NKG7: variants seen among roughly 807,000 people sequenced by gnomAD.
NKG7 encodes protein NKG7.
A neutral mutation model predicts 14.7 loss-of-function variants in NKG7; 8 were observed. The observed-to-expected ratio is 0.54, with a 90% CI of 0.32 to 0.98. NKG7 has a LOEUF of 0.98. Ranked by LOEUF, NKG7 falls within the 50% of genes least tolerant of loss-of-function variation. NKG7 has a pLI of 0.04. For synonymous variants in NKG7, 95 were observed against 90.7 expected (o/e 1.05, Z -0.27); for missense variants, 215 against 211.1 (o/e 1.02, Z -0.11).
At position 51,371,998 on chromosome 19, in the gene NKG7, G is replaced by A. The variant is rs2123648648; in HGVS notation, c.381C>T (p.Thr127=). 6.2e-7 allele frequency: 1 copy of A among 1,613,662 alleles called. No individual in the cohort carries two copies. The change falls in exon 3 of 4, where the codon ACC becomes ACT. Residue 127 remains threonine (T), a synonymous_variant. Coordinates refer to ENST00000221978, the MANE Select transcript of NKG7 (RefSeq NM_005601.4). The surrounding 1 kb of genome is among the most constrained non-coding windows in gnomAD (Gnocchi z 4.2). ...CCAGGTAGAAGGACCAGGAGAAGAA[G>A]GTCTGGATCTGGGGGTGTGGAGGCT... The part of the protein sequence containing the change: ...WDQPPHPQIQ[T]FFSWSFYLGW...
In NKG7 at chr19:51,372,036, C is replaced by T. The variant is rs757653774; in HGVS notation, c.343G>A (p.Glu115Lys). 16 of 1,613,418 alleles carry T rather than the reference C, an allele frequency of 9.9e-6. No homozygotes were observed. The highest frequency in any genetic ancestry group is 1.1e-5 in the South Asian group (1 of 90,964). The change falls in exon 3 of 4, where the codon GAG becomes AAG. Residue 115 changes from glutamate (E) to lysine (K), a missense_variant. Physicochemically the swap from Glu to Lys is moderately conservative, Grantham distance 56. Coordinates refer to ENST00000221978, the MANE Select transcript of NKG7 (RefSeq NM_005601.4). This position sits in a 1 kb window ranked among gnomAD's most constrained non-coding sequence, Gnocchi z 4.8. Reference protein sequence around the residue: ...MVVAMAVYTSERWDQPPHPQI... With the variant: ...MVVAMAVYTSKRWDQPPHPQI... ...GGGTGTGGAGGCTGGTCCCACCGCT[C>T]GCTGGTGTACACCGCCATGGCCACC...
chr19:51,371,717 T>C lies in NKG7; in HGVS notation c.*60A>G. On this transcript the variant is annotated 3_prime_UTR_variant, in exon 4 of 4. Transcript: ENST00000221978. This position sits in a 1 kb window ranked among gnomAD's most constrained non-coding sequence, Gnocchi z 4.2. ...ATGTGGGACCAGACTTTCCCGAGGCTCCAGATGAGGCCTTTGGAATACAAC... is the reference window on the plus strand; with the variant it reads ...ATGTGGGACCAGACTTTCCCGAGGCCCCAGATGAGGCCTTTGGAATACAAC... The C allele has an allele frequency of 6.5e-7, 1 of 1,539,004 alleles. No homozygotes were observed. Among genetic ancestry groups the C allele is most frequent in the African/African-American group, 1.4e-5 (1 of 73,122 alleles).
Position 51,371,804 on chromosome 19 carries a change from A to G in NKG7, c.471T>C (p.Gly157=). 1 of 1,613,146 alleles carries G rather than the reference A, an allele frequency of 6.2e-7. No individual in the cohort carries two copies. The highest frequency in any genetic ancestry group is 8.5e-7 in the Non-Finnish European group (1 of 1,179,446). Residue 157 remains glycine, a synonymous_variant, in exon 4 of 4, where the codon GGT becomes GGC. Coordinates refer to ENST00000221978, the MANE Select transcript of NKG7 (RefSeq NM_005601.4). The surrounding 1 kb of genome is among the most constrained non-coding windows in gnomAD (Gnocchi z 4.2). The part of the protein sequence containing the change: ...GALSLGAHCG[G]PRPGYETL ...ACAAGGTTTCATAGCCAGGACGGGG[A>G]CCGCCACAGTGAGCACCCAGGCTCA...
Position 51,372,266 on chromosome 19 carries a change from G to A in NKG7, c.199C>T (p.Leu67=), listed in dbSNP as rs767863523. The A allele has an allele frequency of 1.2e-6, 2 of 1,613,660 alleles. No individual in the cohort carries two copies. The highest frequency in any genetic ancestry group is 1.1e-5 in the South Asian group (1 of 91,014). Residue 67 remains leucine, a synonymous_variant, in exon 2 of 4, where the codon CTG becomes TTG. Coordinates refer to ENST00000221978, the MANE Select transcript of NKG7 (RefSeq NM_005601.4). This position sits in a 1 kb window ranked among gnomAD's most constrained non-coding sequence, Gnocchi z 4.8. ...VTQTFSIMAV[L]WALVSVSFLV... ...AAGCTCACGGACACCAGGGCCCACA[G>A]AACAGCCATAATGCTGAAGGTCTGC...
rs1371336830 is a variant in NKG7 at position 51,371,794 on chromosome 19, C to T, written c.481G>A (p.Gly161Ser). 1.2e-6 allele frequency: 2 copies of T among 1,613,072 alleles called. No homozygotes were observed. Among genetic ancestry groups the T allele is most frequent in the Admixed American group, 1.7e-5 (1 of 59,880 alleles). The change falls in exon 4 of 4, where the codon GGC becomes AGC. Residue 161 changes from glycine (G) to serine (S), a missense_variant. Coordinates refer to ENST00000221978, the MANE Select transcript of NKG7 (RefSeq NM_005601.4). This position sits in a 1 kb window ranked among gnomAD's most constrained non-coding sequence, Gnocchi z 4.2. ...LGAHCGGPRPGYETL is the reference protein window; with the variant it reads ...LGAHCGGPRPSYETL ...CCTTCTGCTCACAAGGTTTCATAGC[C>T]AGGACGGGGACCGCCACAGTGAGCA...
In NKG7 at chr19:51,372,215, G is replaced by A; in HGVS notation, c.250C>T (p.Leu84=). The change falls in exon 2 of 4, where the codon CTG becomes TTG. Residue 84 remains leucine (L), a synonymous_variant. Coordinates refer to ENST00000221978, the MANE Select transcript of NKG7 (RefSeq NM_005601.4). The surrounding 1 kb of genome is among the most constrained non-coding windows in gnomAD (Gnocchi z 4.8). ...AGCGGGCCGTGGCCTGGGGGGAACA[G>A]TGAGGGGAAGCAGGACAGGACCAGG... The part of the protein sequence containing the change: ...SFLVLSCFPS[L]FPPGHGPLVS... The A allele has an allele frequency of 6.2e-7, 1 of 1,613,686 alleles. No homozygotes were observed. Among genetic ancestry groups the A allele is most frequent in the Non-Finnish European group, 8.5e-7 (1 of 1,179,746 alleles).
Position 51,372,357 on chromosome 19 carries a change from G to T in NKG7, c.157+22C>A. 1 of 1,613,894 alleles carries T rather than the reference G, an allele frequency of 6.2e-7. No homozygotes were observed. Among genetic ancestry groups the T allele is most frequent in the Non-Finnish European group, 8.5e-7 (1 of 1,179,830 alleles). On this transcript the variant is annotated intron_variant, in intron 1 of 3. Transcript: ENST00000221978. This position sits in a 1 kb window ranked among gnomAD's most constrained non-coding sequence, Gnocchi z 4.8. ...ACCCATCCCCGCTGGCAACCCCTCT[G>T]TAGGACACCCATTCCCCTTACCTGA...
chr19:51,372,264 C>T lies in NKG7; in HGVS notation c.201G>A (p.Leu67=). 2 of 1,613,626 alleles carry T rather than the reference C, an allele frequency of 1.2e-6. No homozygotes were observed. The highest frequency in any genetic ancestry group is 1.1e-5 in the South Asian group (1 of 91,010). The change falls in exon 2 of 4, where the codon CTG becomes CTA. Residue 67 remains leucine, a synonymous_variant. Coordinates refer to ENST00000221978, the MANE Select transcript of NKG7 (RefSeq NM_005601.4). This position sits in a 1 kb window ranked among gnomAD's most constrained non-coding sequence, Gnocchi z 4.8. The stretch of plus-strand genomic sequence containing the variant: ...GGAAGCTCACGGACACCAGGGCCCA[C>T]AGAACAGCCATAATGCTGAAGGTCT... ...VTQTFSIMAV[L]WALVSVSFLV...
chr19:51,372,569 A>G lies in NKG7; in HGVS notation c.-34T>C. On this transcript the variant is annotated 5_prime_UTR_variant, in exon 1 of 4. Coordinates refer to ENST00000221978, the MANE Select transcript of NKG7 (RefSeq NM_005601.4). The surrounding 1 kb of genome is among the most constrained non-coding windows in gnomAD (Gnocchi z 4.8). The stretch of plus-strand genomic sequence containing the variant: ...GCTCAGGGCTTCTGGGTCCTGGAGG[A>G]GGAAGAGGCTGCTGATCAGACTCTT... The G allele has an allele frequency of 6.2e-7, 1 of 1,608,806 alleles. No individual in the cohort carries two copies. The highest frequency in any genetic ancestry group is 1.1e-5 in the South Asian group (1 of 90,778).
rs1229849809 is a variant in NKG7 at position 51,372,501 on chromosome 19, C to A, written c.35G>T (p.Gly12Val). 2 of 1,613,942 alleles carry A rather than the reference C, an allele frequency of 1.2e-6. No homozygotes were observed. The highest frequency in any genetic ancestry group is 1.7e-5 in the Admixed American group (1 of 59,984). ...ELCRSLALLG[G>V]SLGLMFCLIA... ...CAGGCAGAACATCAGGCCCAGGGAG[C>A]CCCCCAGCAGGGCCAGGGACCGGCA... is the stretch of plus-strand genomic sequence containing the variant. The change falls in exon 1 of 4, where the codon GGC becomes GTC. Residue 12 changes from glycine to valine, a missense_variant. Transcript: ENST00000221978. This position sits in a 1 kb window ranked among gnomAD's most constrained non-coding sequence, Gnocchi z 4.8.
rs34131521 is a variant in NKG7 at position 51,372,042 on chromosome 19, T to C, written c.337A>G (p.Thr113Ala). ...GGAGGCTGGTCCCACCGCTCGCTGGTGTACACCGCCATGGCCACCACCATG... is the reference window on the plus strand; with the variant it reads ...GGAGGCTGGTCCCACCGCTCGCTGGCGTACACCGCCATGGCCACCACCATG... ...ISMVVAMAVY[T>A]SERWDQPPHP... Residue 113 changes from threonine to alanine, a missense_variant, in exon 3 of 4, where the codon ACC (threonine) becomes GCC (alanine). Transcript: ENST00000221978. The surrounding 1 kb of genome is among the most constrained non-coding windows in gnomAD (Gnocchi z 4.8). 3.1e-3 allele frequency: 4,982 copies of C among 1,613,320 alleles called. 133 individuals are homozygous for C. The African/African-American group carries it at 0.057, about 18-fold the overall frequency.
chr19:51,372,640 T>C lies in NKG7; in HGVS notation c.-105A>G, dbSNP rs1986702296. ...CTGTGCACCCAGACTCCTGGGTCCT[T>C]AGAGCCCAAGAAAGAGAGAACAGCA... On this transcript the variant is annotated 5_prime_UTR_variant, in exon 1 of 4. Transcript: ENST00000221978. This position sits in a 1 kb window ranked among gnomAD's most constrained non-coding sequence, Gnocchi z 4.8. 7.4e-7 allele frequency: 1 copy of C among 1,349,866 alleles called. No individual in the cohort carries two copies. Among genetic ancestry groups the C allele is most frequent in the African/African-American group, 1.5e-5 (1 of 68,294 alleles). The allele number at this position is 1,349,866 out of a possible 1,614,324, so 83.6% of individuals were successfully genotyped here. A position where few individuals can be genotyped will look rare whatever the true frequency, so the allele number is the denominator to read the frequency against.
Position 51,372,232 on chromosome 19 carries a change from A to G in NKG7, c.233T>C (p.Leu78Pro), listed in dbSNP as rs1164148991. Residue 78 changes from leucine (L) to proline (P), a missense_variant, in exon 2 of 4, where the codon CTG becomes CCG. Leu to Pro is a moderately conservative substitution (Grantham distance 98). Transcript: ENST00000221978. The surrounding 1 kb of genome is among the most constrained non-coding windows in gnomAD (Gnocchi z 4.8). ...GGGGAACAGTGAGGGGAAGCAGGAC[A>G]GGACCAGGAAGCTCACGGACACCAG... Reference protein sequence around the residue: ...WALVSVSFLVLSCFPSLFPPG... With the variant: ...WALVSVSFLVPSCFPSLFPPG... The G allele has an allele frequency of 6.2e-7, 1 of 1,613,846 alleles. No homozygotes were observed. Among genetic ancestry groups the G allele is most frequent in the Non-Finnish European group, 8.5e-7 (1 of 1,179,856 alleles).
In NKG7 at chr19:51,372,212, A is replaced by T. The variant is rs745493193; in HGVS notation, c.253T>A (p.Phe85Ile). 6.2e-7 allele frequency: 1 copy of T among 1,613,412 alleles called. No individual in the cohort carries two copies. Among genetic ancestry groups the T allele is most frequent in the Non-Finnish European group, 8.5e-7 (1 of 1,179,676 alleles). Residue 85 changes from phenylalanine (F) to isoleucine (I), a missense_variant, in exon 2 of 4, where the codon TTC becomes ATC. Physicochemically the swap from Phe to Ile is conservative, Grantham distance 21 (BLOSUM62 0). Coordinates refer to ENST00000221978, the MANE Select transcript of NKG7 (RefSeq NM_005601.4). This position sits in a 1 kb window ranked among gnomAD's most constrained non-coding sequence, Gnocchi z 4.8. ...ACAAGCGGGCCGTGGCCTGGGGGGA[A>T]CAGTGAGGGGAAGCAGGACAGGACC... ...FLVLSCFPSL[F>I]PPGHGPLVST...
chr19:51,371,667 G>A lies in NKG7; in HGVS notation c.*110C>T. ...GAATGAAGAAACAAGAGGAGGGGCT[G>A]GGGAAGGGCTGGAAGGGCGGGCAGA... On this transcript the variant is annotated 3_prime_UTR_variant, in exon 4 of 4. Coordinates refer to ENST00000221978, the MANE Select transcript of NKG7 (RefSeq NM_005601.4). This position sits in a 1 kb window ranked among gnomAD's most constrained non-coding sequence, Gnocchi z 4.2. 4 of 1,193,712 alleles carry A rather than the reference G, an allele frequency of 3.4e-6. No homozygotes were observed. Among genetic ancestry groups the A allele is most frequent in the South Asian group, 1.6e-5 (1 of 61,242 alleles). 73.9% of individuals were successfully genotyped at this position (1,193,712 alleles called of 1,614,324 possible). A position where few individuals can be genotyped will look rare whatever the true frequency, so the allele number is the denominator to read the frequency against.
chr19:51,372,591 T>G lies in NKG7; in HGVS notation c.-56A>C, dbSNP rs904651403. On this transcript the variant is annotated 5_prime_UTR_variant, in exon 1 of 4. Transcript: ENST00000221978. This position sits in a 1 kb window ranked among gnomAD's most constrained non-coding sequence, Gnocchi z 4.8. ...AGGAGGAAGAGGCTGCTGATCAGAC[T>G]CTTGAATCTCAGAGAGAAGGAGGCT... The G allele has an allele frequency of 8.9e-6, 14 of 1,580,324 alleles. No homozygotes were observed. In the African/African-American group the frequency reaches 1.6e-4, roughly 18 times the overall value.
chr19:51,372,523 G>T lies in NKG7; in HGVS notation c.13C>A (p.Arg5=), dbSNP rs747351353. ...GAGCCCCCCAGCAGGGCCAGGGACC[G>T]GCAGAGCTCCATGGGGATAAGCTCA... is the stretch of plus-strand genomic sequence containing the variant. MELC[R]SLALLGGSLG... Residue 5 remains arginine (R), a synonymous_variant, in exon 1 of 4, where the codon CGG becomes AGG. Transcript: ENST00000221978. This position sits in a 1 kb window ranked among gnomAD's most constrained non-coding sequence, Gnocchi z 4.8. The T allele has an allele frequency of 1.7e-5, 27 of 1,613,908 alleles. 1 individual carries two copies. The East Asian group carries it at 2.0e-4, about 12-fold the overall frequency.
chr19:51,372,255 C>T lies in NKG7; in HGVS notation c.210G>A (p.Leu70=), dbSNP rs771296607. The T allele has an allele frequency of 1.9e-6, 3 of 1,613,690 alleles. No homozygotes were observed. The highest frequency in any genetic ancestry group is 2.7e-5 in the African/African-American group (2 of 74,944). The part of the protein sequence containing the change: ...TFSIMAVLWA[L]VSVSFLVLSC... Reference sequence around the variant, plus strand: ...ACAGGACCAGGAAGCTCACGGACACCAGGGCCCACAGAACAGCCATAATGC... The same window carrying T: ...ACAGGACCAGGAAGCTCACGGACACTAGGGCCCACAGAACAGCCATAATGC... Residue 70 remains leucine (L), a synonymous_variant, in exon 2 of 4, where the codon CTG becomes CTA. Coordinates refer to ENST00000221978, the MANE Select transcript of NKG7 (RefSeq NM_005601.4). This position sits in a 1 kb window ranked among gnomAD's most constrained non-coding sequence, Gnocchi z 4.8.
rs1471972188 is a variant in NKG7 at position 51,372,227 on chromosome 19, A to G, written c.238T>C (p.Cys80Arg). Reference sequence around the variant, plus strand: ...CCTGGGGGGAACAGTGAGGGGAAGCAGGACAGGACCAGGAAGCTCACGGAC... The same window carrying G: ...CCTGGGGGGAACAGTGAGGGGAAGCGGGACAGGACCAGGAAGCTCACGGAC... ...LVSVSFLVLS[C>R]FPSLFPPGHG... The change falls in exon 2 of 4, where the codon TGC (cysteine) becomes CGC (arginine). Residue 80 changes from cysteine to arginine, a missense_variant. Transcript: ENST00000221978. The surrounding 1 kb of genome is among the most constrained non-coding windows in gnomAD (Gnocchi z 4.8). 2.5e-6 allele frequency: 4 copies of G among 1,613,712 alleles called. No individual in the cohort carries two copies. The highest frequency in any genetic ancestry group is 2.7e-5 in the African/African-American group (2 of 74,928).
Sources: allele counts gnomAD v4.1 joint callset, GRCh38; gene constraint gnomAD v4.1.1; non-coding constraint Gnocchi (gnomAD v3.1); transcripts MANE v1.5; gene names NCBI Gene and HGNC (gene_info 2026-07-23, HGNC 2026-07-21).